MORN5: variants seen among roughly 807,000 people sequenced by gnomAD.
MORN5 encodes the protein MORN repeat containing 5.
Under a neutral mutation model 22.1 loss-of-function variants are expected in MORN5, and 21 were observed. That is an observed-to-expected ratio of 0.95 (90% CI 0.67 to 1.37). MORN5 has a LOEUF of 1.37. Ranked by LOEUF, MORN5 falls within the 40% of genes most tolerant of loss-of-function variation. MORN5 has a pLI of 0.00. For synonymous variants in MORN5, 73 were observed against 74.0 expected (o/e 0.99, Z 0.07); for missense variants, 211 against 215.1 (o/e 0.98, Z 0.12).
chr9:122,172,594 C>T (rs1421686362), intron 3 of MORN5, among the ~76,000 whole-genome samples: 1 of 152,150 alleles, frequency 6.6e-6, no homozygotes, highest in Non-Finnish European at 1.5e-5. Flanking sequence ...AGCCCCTTCC[C>T]TGAATTCCCA....
intron 4 of MORN5, among the ~76,000 whole-genome samples, chr9:122,190,814 T>C (rs1368694064): frequency 6.6e-6 from 1 of 152,240 alleles, no homozygotes; most frequent in African/African-American, 2.4e-5. Flanking sequence ...TTGTCAGGAG[T>C]GGTGATGGGG....
rs760999083 is a variant in MORN5, at chr9:122,174,522, C to T, written c.334C>T (p.Pro112Ser). The change falls in exon 4 of 5, where the codon CCA becomes TCA. Residue 112 changes from proline (P) to serine (S), a missense_variant. By Grantham distance (74) the Pro-to-Ser change is moderately conservative. Transcript: ENST00000373764. ...TATGGCTCAACTCACCAATATGGAC[C>T]CACCTAGAAAAATCCCCAAGGGCTA... Reference protein sequence around the residue: ...AGMAQLTNMDPPRKIPKGYYD... With the variant: ...AGMAQLTNMDSPRKIPKGYYD... 1.9e-6 allele frequency: 3 copies of T among 1,613,994 alleles called. No homozygotes were observed. The East Asian group carries it at 6.7e-5, about 36-fold the overall frequency.
At chr9:122,169,387 T>C (rs1364920757) in intron 2 of MORN5, among the ~76,000 whole-genome samples, 1 of 152,218 alleles carries the variant, frequency 6.6e-6, no homozygotes, top group Non-Finnish European at 1.5e-5. Flanking sequence ...ATTTTACAAA[T>C]GAGGAAATGA....
At chr9:122,193,808 C>A (rs1483564049) in intron 4 of MORN5, among the ~76,000 whole-genome samples, 2 of 152,142 alleles carry the variant, frequency 1.3e-5, no homozygotes, top group Non-Finnish European at 2.9e-5. Context: ...GAGGCACTGG[C>A]GAGCATGCAC....
Position 122,164,279 on chromosome 9 carries a change from A to G in MORN5, c.48-2489A>G, listed in dbSNP as rs75414089. Among the ~76,000 whole-genome samples the G allele has an allele frequency of 9.0e-4, 137 of 152,298 alleles. 1 individual carries two copies. In the East Asian group the frequency reaches 0.026, roughly 29 times the overall value. ...AGGAGAAGGAGAGAAGGAGGGACAG[A>G]GAGGAGGGAAGCAGGAAAAGTGAAG... On this transcript the variant is annotated intron_variant, in intron 1 of 4. Transcript: ENST00000373764.
chr9:122,187,236 C>T (rs1829656228), intron 4 of MORN5, among the ~76,000 whole-genome samples: 1 of 152,228 alleles, frequency 6.6e-6, no homozygotes, highest in Non-Finnish European at 1.5e-5. Flanking sequence ...TCCTTAACTC[C>T]ACATCCCAAA....
intron 3 of MORN5, among the ~76,000 whole-genome samples, chr9:122,174,232 G>A (rs748374512): frequency 2.6e-5 from 4 of 152,158 alleles, no homozygotes; most frequent in Non-Finnish European, 5.9e-5. Context: ...CATGGTATCC[G>A]AAGAAATGGA....
chr9:122,170,432 G>C (rs1175133589), intron 3 of MORN5, among the ~76,000 whole-genome samples: 1 of 152,162 alleles, frequency 6.6e-6, no homozygotes, highest in African/African-American at 2.4e-5. Context: ...CATGTCAGCT[G>C]TTCTTATTCG....
chr9:122,190,414 G>GA (rs1829737103), intron 4 of MORN5, among the ~76,000 whole-genome samples: 2 of 152,160 alleles, frequency 1.3e-5, no homozygotes, highest in East Asian at 3.8e-4. Flanking sequence ...GAGAATTCTC[G>GA]AAAAATGAGG....
intron 4 of MORN5, 115 bp from the exon 5 acceptor site, chr9:122,199,770 C>T (rs183186939): frequency 1.1e-6 from 1 of 912,556 alleles, no homozygotes. Flanking sequence ...CAAAACTACA[C>T]AGACTGGCCA....
chr9:122,182,477 G>A (rs1449228471), intron 4 of MORN5, among the ~76,000 whole-genome samples: 2 of 152,254 alleles, frequency 1.3e-5, no homozygotes, highest in Non-Finnish European at 2.9e-5. Flanking sequence ...TTGGCCATGT[G>A]CAGTGGCTCA....
chr9:122,190,309 C>T (rs573989114), intron 4 of MORN5, among the ~76,000 whole-genome samples: 2 of 152,166 alleles, frequency 1.3e-5, no homozygotes, highest in Non-Finnish European at 2.9e-5. Flanking sequence ...ATATAAATCC[C>T]ACATTAAATA....
chr9:122,196,831 C>T (rs1829903634), intron 4 of MORN5, among the ~76,000 whole-genome samples: 1 of 152,102 alleles, frequency 6.6e-6, no homozygotes, highest in Non-Finnish European at 1.5e-5. Flanking sequence ...CTTGTCTCTT[C>T]TTGCCTTTTT....
intron 4 of MORN5, among the ~76,000 whole-genome samples, chr9:122,181,366 T>C (rs777722933): frequency 4.4e-4 from 67 of 152,168 alleles, no homozygotes; most frequent in Non-Finnish European, 8.1e-4. Flanking sequence ...AATGGGCTCA[T>C]CCTGAGATTG....
intron 2 of MORN5, 52 bp downstream of exon 2, chr9:122,166,967 G>C: frequency 6.4e-7 from 1 of 1,557,392 alleles, no homozygotes; most frequent in Non-Finnish European, 8.7e-7. Flanking sequence ...CACGCAAGAA[G>C]AGCCTCACCC....
intron 4 of MORN5, among the ~76,000 whole-genome samples, chr9:122,198,008 G>A (rs185418298): frequency 1.7e-3 from 256 of 152,326 alleles, no homozygotes; most frequent in African/African-American, 5.9e-3. Flanking sequence ...TGGTGGGCAG[G>A]TGGTTAGTGA....
At chr9:122,169,779 C>A in intron 3 of MORN5, 23 bp downstream of exon 3, 1 of 1,459,362 alleles carries the variant, frequency 6.9e-7, no homozygotes, top group Non-Finnish European at 9.6e-7. Flanking sequence ...CCACCCTTTC[C>A]TTCATACCCA....
In MORN5 at chr9:122,169,726, A is replaced by G; in HGVS notation, c.277A>G (p.Thr93Ala). Residue 93 changes from threonine to alanine, a missense_variant, in exon 3 of 5, where the codon ACA (threonine) becomes GCA (alanine). By Grantham distance (58) the Thr-to-Ala change is moderately conservative. Transcript: ENST00000373764. ...CGACGGCTATGATCGGAGGTTTTAC[A>G]CAGAGATCCTCAATGGCTTGAAGCC... is the stretch of plus-strand genomic sequence containing the variant. ...YCDGYDRRFYTEILNGLKPAG... is the reference protein window; with the variant it reads ...YCDGYDRRFYAEILNGLKPAG... The G allele has an allele frequency of 6.2e-7, 1 of 1,614,006 alleles. No homozygotes were observed. The highest frequency in any genetic ancestry group is 1.1e-5 in the South Asian group (1 of 91,084).
rs78200483 is a variant in MORN5 at position 122,167,899 on chromosome 9, G to A, written c.195+984G>A. On this transcript the variant is annotated intron_variant, in intron 2 of 4. Coordinates refer to ENST00000373764, the MANE Select transcript of MORN5 (RefSeq NM_198469.4). ...CCTGCATTCCTTGGCTCATGGCCAC[G>A]CATCACTCCGACCTCTGCTTTCATC... Among the ~76,000 whole-genome samples, 771 of 152,170 alleles carry A rather than the reference G, an allele frequency of 5.1e-3. 3 individuals carry two copies. The highest frequency in any genetic ancestry group is 8.9e-3 in the Non-Finnish European group (605 of 68,008).
Sources: gnomAD v4.1 joint callset for allele counts (sites outside exome capture counted in the v4.1 genomes callset) on GRCh38, gnomAD v4.1.1 for gene constraint, MANE v1.5 for transcripts, NCBI Gene and HGNC (gene_info 2026-07-23, HGNC 2026-07-21) for gene names.